The following TMC3 variants were observed in gnomAD, a reference collection of about 807,000 sequenced individuals.
TMC3 encodes transmembrane channel-like protein 3.
Under a neutral mutation model 110.6 loss-of-function variants are expected in TMC3, and 98 were observed. The ratio of observed to expected loss-of-function variants is 0.89; its 90% CI spans 0.75 to 1.05. The LOEUF (loss-of-function observed/expected upper bound fraction) is 1.05. TMC3 is among the 50% of genes least tolerant of loss of function. The probability of loss-of-function intolerance (pLI) is 0.00; values close to 1 mark genes in which losing one functional copy is unlikely to be tolerated. For missense variants in TMC3, 1,319 were observed against 1,373.2 expected, an observed-to-expected ratio of 0.96 and a Z score of 0.62; for synonymous variants, 489 against 513.1, an observed-to-expected ratio of 0.95 and a Z score of 0.63.
chr15:81,349,604 A>G, intron 10 of TMC3, 37 bp from the exon 11 acceptor site: 5 of 1,297,454 alleles, frequency 3.9e-6, no homozygotes, highest in Non-Finnish European at 5.1e-6. Flanking sequence ...AGACATTCCC[A>G]GGACCCCCCA....
chr15:81,349,407 G>A, intron 11 of TMC3, 51 bp downstream of exon 11: 1 of 1,211,258 alleles, frequency 8.3e-7, no homozygotes, highest in Non-Finnish European at 1.1e-6. Flanking sequence ...CCCACTGTGG[G>A]TGGGCACATG....
chr15:81,364,322 A>C (rs1330228404), intron 3 of TMC3, among the ~76,000 whole-genome samples: 1 of 152,168 alleles, frequency 6.6e-6, no homozygotes, highest in Admixed American at 6.5e-5. Context: ...TGATTGAAAA[A>C]GGTGATTTGT....
intron 19 of TMC3, 130 bp from the exon 20 acceptor site, chr15:81,336,781 G>T: frequency 1.1e-6 from 1 of 914,276 alleles, no homozygotes; most frequent in South Asian, 1.4e-5. Flanking sequence ...TACTACTATT[G>T]CCCCCTATGG....
chr15:81,369,757 C>G (rs1018536492), intron 2 of TMC3, among the ~76,000 whole-genome samples: 3 of 151,790 alleles, frequency 2.0e-5, no homozygotes, highest in Non-Finnish European at 4.4e-5. Flanking sequence ...GATCCCATCT[C>G]TACAAAAATA....
At chr15:81,373,663 C>T (rs1283210362) in intron 1 of TMC3, among the ~76,000 whole-genome samples, 2 of 152,182 alleles carry the variant, frequency 1.3e-5, no homozygotes, top group Non-Finnish European at 2.9e-5. Flanking sequence ...ATATTATCTG[C>T]TCTCTCTTGA....
Position 81,374,048 on chromosome 15 carries a change from A to C in TMC3, c.30T>G (p.Tyr10Ter). MKTSKASQR[Y>*]RGIRRNASQC... The stretch of plus-strand genomic sequence containing the variant: ...GGCTGGCATTTCTCCGGATGCCTCT[A>C]TAGCGCTGGGATGCCTTCGAGGTTT... Residue 10 changes from tyrosine (Y) to a stop codon, truncating the protein, a stop_gained, in exon 1 of 22, where the codon TAT becomes TAG. Coordinates refer to ENST00000359440, the MANE Select transcript of TMC3 (RefSeq NM_001080532.3). LOFTEE classifies it high-confidence loss of function. 6.2e-7 allele frequency: 1 copy of C among 1,613,830 alleles called. No individual in the cohort carries two copies. Among genetic ancestry groups the C allele is most frequent in the Non-Finnish European group, 8.5e-7 (1 of 1,179,834 alleles).
intron 9 of TMC3, among the ~76,000 whole-genome samples, chr15:81,353,012 G>C (rs1364681957): frequency 6.6e-6 from 1 of 152,056 alleles, no homozygotes; most frequent in Non-Finnish European, 1.5e-5. Flanking sequence ...GTAGAGACTG[G>C]GTTTTCCCAT....
intron 17 of TMC3, among the ~76,000 whole-genome samples, chr15:81,339,138 C>G (rs1048915539): frequency 6.6e-6 from 1 of 152,212 alleles, no homozygotes; most frequent in Admixed American, 6.5e-5. Context: ...GTAGAATGTC[C>G]TCTAGCACAG....
intron 9 of TMC3, among the ~76,000 whole-genome samples, chr15:81,353,925 A>G (rs984511010): frequency 1.5e-4 from 23 of 152,214 alleles, no homozygotes; most frequent in African/African-American, 5.5e-4. Flanking sequence ...CTAGATGAAT[A>G]AGTAAATAAA....
intron 21 of TMC3, 34 bp from the exon 22 acceptor site, chr15:81,333,296 T>G: frequency 6.4e-7 from 1 of 1,569,556 alleles, no homozygotes; most frequent in Admixed American, 1.8e-5. Flanking sequence ...AGCTGTGGCC[T>G]TGGTGGTCTC....
At chr15:81,360,143 TTA>T (rs1383942789) in intron 4 of TMC3, among the ~76,000 whole-genome samples, 2 of 152,104 alleles carry the variant, frequency 1.3e-5, no homozygotes, top group Non-Finnish European at 2.9e-5. Flanking sequence ...CAAATCTAGT[TTA>T]TGTTTGTCAT....
At chr15:81,373,847 C>A in intron 1 of TMC3, 142 bp downstream of exon 1, 1 of 746,536 alleles carries the variant, frequency 1.3e-6, no homozygotes, top group South Asian at 1.8e-5. Context: ...AGTTGTACCA[C>A]AACCTGGAGA....
intron 3 of TMC3, among the ~76,000 whole-genome samples, chr15:81,364,129 AAGG>A (rs988131140): frequency 1.4e-5 from 2 of 146,430 alleles, no homozygotes; most frequent in African/African-American, 5.3e-5. Context: ...GCAATGGGCT[AAGG>A]CAGGGCAACT....
intron 10 of TMC3, among the ~76,000 whole-genome samples, chr15:81,350,317 G>A (rs1254646086): frequency 6.6e-6 from 1 of 152,186 alleles, no homozygotes; most frequent in Non-Finnish European, 1.5e-5. Context: ...CCTGACCTTG[G>A]ATGGAAGATG....
rs575823123 is a variant in TMC3, at chr15:81,370,274, T to C, written c.237-1946A>G. On this transcript the variant is annotated intron_variant, in intron 2 of 21. Coordinates refer to ENST00000359440, the MANE Select transcript of TMC3 (RefSeq NM_001080532.3). The stretch of plus-strand genomic sequence containing the variant: ...TCCCTTGATTCTCAAGCAGTCAGGG[T>C]TCCGTGCTTTTTGCACCTTCCACAG... Among the ~76,000 whole-genome samples the C allele has an allele frequency of 2.0e-5, 3 of 152,360 alleles. No individual in the cohort carries two copies. The South Asian group carries it at 6.2e-4, about 32-fold the overall frequency.
chr15:81,341,475 G>A lies in TMC3; in HGVS notation c.1759C>T (p.Leu587Phe). ...FSPCLPAFNV[L>F]KLIGLMYLRS... ...AGGTACATGAGCCCAATGAGTTTGA[G>A]AACGTTGAACGCTGGGAGACATGGG... is the stretch of plus-strand genomic sequence containing the variant. Residue 587 changes from leucine (L) to phenylalanine (F), a missense_variant, in exon 16 of 22, where the codon CTC becomes TTC. Coordinates refer to ENST00000359440, the MANE Select transcript of TMC3 (RefSeq NM_001080532.3). 6.2e-7 allele frequency: 1 copy of A among 1,611,292 alleles called. No homozygotes were observed. Among genetic ancestry groups the A allele is most frequent in the South Asian group, 1.1e-5 (1 of 90,316 alleles).
chr15:81,371,182 C>G (rs1279520651), intron 2 of TMC3, among the ~76,000 whole-genome samples: 1 of 152,112 alleles, frequency 6.6e-6, no homozygotes, highest in Non-Finnish European at 1.5e-5. Flanking sequence ...GACATAATGC[C>G]ATCCTTACTC....
chr15:81,357,524 A>G (rs1462054620), intron 7 of TMC3, among the ~76,000 whole-genome samples: 1 of 151,982 alleles, frequency 6.6e-6, no homozygotes, highest in East Asian at 1.9e-4. Flanking sequence ...TACCCATTTT[A>G]CAGATGAGGC....
At position 81,356,514 on chromosome 15, in the gene TMC3, C is replaced by A; in HGVS notation, c.824G>T (p.Trp275Leu). The change falls in exon 8 of 22, where the codon TGG (tryptophan) becomes TTG (leucine). Residue 275 changes from tryptophan to leucine, a missense_variant. Physicochemically the swap from Trp to Leu is moderately conservative, Grantham distance 61. Transcript: ENST00000359440. ...YTFCWRVFCA[W>L]DYLIGNPEAA... ...CTCTGGGTTTCCAATGAGGTAATCC[C>A]AGGCACAGAACACCCGCCAGCAGAA... 1 of 1,572,530 alleles carries A rather than the reference C, an allele frequency of 6.4e-7. No individual in the cohort carries two copies. The highest frequency in any genetic ancestry group is 1.9e-5 in the Admixed American group (1 of 53,962).
Sources: allele counts gnomAD v4.1 joint callset (sites outside exome capture counted in the v4.1 genomes callset), GRCh38; gene constraint gnomAD v4.1.1; transcripts MANE v1.5; gene names NCBI Gene and HGNC (gene_info 2026-07-23, HGNC 2026-07-21).